TAFA4: variants seen among roughly 807,000 people sequenced by gnomAD.
TAFA4 encodes chemokine-like protein TAFA-4.
A neutral mutation model predicts 21.1 loss-of-function variants in TAFA4; 20 were observed. That is an observed-to-expected ratio of 0.95 (90% CI 0.67 to 1.38). The LOEUF is 1.38. TAFA4 is among the 40% of genes most tolerant of loss of function. The pLI, the probability that TAFA4 is intolerant of heterozygous loss-of-function variation, is 0.00. For synonymous variants in TAFA4, 71 were observed against 67.4 expected, an observed-to-expected ratio of 1.05 and a Z score of -0.26; for missense variants, 211 against 180.9, an observed-to-expected ratio of 1.17 and a Z score of -0.95.
chr3:68,750,898 TG>T (rs1209517347), intron 4 of TAFA4, among the ~76,000 whole-genome samples: 2 of 152,022 alleles, frequency 1.3e-5, no homozygotes, highest in East Asian at 3.9e-4. Context: ...GGCCAGCCAA[TG>T]GGGAAAGATG....
chr3:68,836,002 C>T (rs1037299991), intron 3 of TAFA4, among the ~76,000 whole-genome samples: 1 of 152,178 alleles, frequency 6.6e-6, no homozygotes, highest in African/African-American at 2.4e-5. Context: ...TGTATTTTCT[C>T]ATTATATGCA....
chr3:68,740,668 T>C (rs1702332647), intron 4 of TAFA4, among the ~76,000 whole-genome samples: 1 of 152,188 alleles, frequency 6.6e-6, no homozygotes, highest in Non-Finnish European at 1.5e-5. Flanking sequence ...GTAGTCCCAA[T>C]TGTTTATTTT....
intron 3 of TAFA4, among the ~76,000 whole-genome samples, chr3:68,844,365 C>A (rs546470589): frequency 1.3e-5 from 2 of 151,872 alleles, no homozygotes; most frequent in Non-Finnish European, 2.9e-5. Context: ...GTGGTGATAT[C>A]CCCTTTATCA....
chr3:68,742,964 CCAGA>C (rs1352284286), intron 4 of TAFA4, among the ~76,000 whole-genome samples: 1 of 152,158 alleles, frequency 6.6e-6, no homozygotes, highest in Non-Finnish European at 1.5e-5. Context: ...AAACAGTTCC[CCAGA>C]CAAACACTAT....
Position 68,894,925 on chromosome 3 carries a change from G to A in TAFA4, c.-122-9615C>T, listed in dbSNP as rs367663678. Among the ~76,000 whole-genome samples the A allele has an allele frequency of 1.4e-4, 22 of 152,212 alleles. 1 individual carries two copies. In the East Asian group the frequency reaches 2.9e-3, roughly 20 times the overall value. ...CCTGGAGTGCAATGGCGTGGTCTCCGCTCACTGCAACATCCACCTCCCAGG... is the reference window on the plus strand; with the variant it reads ...CCTGGAGTGCAATGGCGTGGTCTCCACTCACTGCAACATCCACCTCCCAGG... On this transcript the variant is annotated intron_variant, in intron 1 of 5. Coordinates refer to ENST00000295569, the MANE Select transcript of TAFA4 (RefSeq NM_182522.5).
chr3:68,869,642 G>A (rs1160248259), intron 3 of TAFA4, among the ~76,000 whole-genome samples: 6 of 151,896 alleles, frequency 4.0e-5, no homozygotes. Flanking sequence ...GTTTTAAAAG[G>A]ATTCAACACA....
chr3:68,804,562 G>C (rs1450690489), intron 3 of TAFA4, among the ~76,000 whole-genome samples: 1 of 152,138 alleles, frequency 6.6e-6, no homozygotes, highest in Non-Finnish European at 1.5e-5. Context: ...ATACTACAAG[G>C]CTATAGTAAC....
At chr3:68,893,702 G>T (rs1041453670) in intron 1 of TAFA4, among the ~76,000 whole-genome samples, 2 of 152,182 alleles carry the variant, frequency 1.3e-5, no homozygotes, top group Non-Finnish European at 2.9e-5. Flanking sequence ...GGATTACATG[G>T]CAAGACAAAG....
At position 68,733,062 on chromosome 3, in the gene TAFA4, A is replaced by AG; in HGVS notation, c.*79_*80insC. The stretch of plus-strand genomic sequence containing the variant: ...CTGAAATCCTAGACAATTTTCTGCA[A>AG]AGGGGCCATGATGGGAATCCAAGCA... On this transcript the variant is annotated 3_prime_UTR_variant, in exon 6 of 6. Coordinates refer to ENST00000295569, the MANE Select transcript of TAFA4 (RefSeq NM_182522.5). The AG allele has an allele frequency of 1.9e-6, 3 of 1,586,006 alleles. No individual in the cohort carries two copies. The highest frequency in any genetic ancestry group is 2.6e-6 in the Non-Finnish European group (3 of 1,162,234).
At chr3:68,764,691 G>T (rs761671214) in intron 3 of TAFA4, among the ~76,000 whole-genome samples, 8 of 152,126 alleles carry the variant, frequency 5.3e-5, no homozygotes, top group African/African-American at 1.9e-4. Flanking sequence ...TCCAGTTCCT[G>T]TTTGTCTGGC....
At chr3:68,856,112 C>T (rs952045543) in intron 3 of TAFA4, among the ~76,000 whole-genome samples, 10 of 152,004 alleles carry the variant, frequency 6.6e-5, no homozygotes, top group African/African-American at 1.4e-4. Flanking sequence ...ACCCAGACTC[C>T]GTGGTGTAAG....
chr3:68,862,019 C>T (rs2089351810), intron 3 of TAFA4, among the ~76,000 whole-genome samples: 1 of 152,000 alleles, frequency 6.6e-6, no homozygotes, highest in African/African-American at 2.4e-5. Flanking sequence ...AGCATATTTT[C>T]CTCTTCTCCC....
chr3:68,758,178 A>G (rs1423862379), intron 3 of TAFA4, among the ~76,000 whole-genome samples: 1 of 152,238 alleles, frequency 6.6e-6, no homozygotes. Flanking sequence ...GTCATGGGAC[A>G]TAGCTCAGTT....
At chr3:68,757,453 T>C (rs186257254) in intron 3 of TAFA4, among the ~76,000 whole-genome samples, 2 of 152,168 alleles carry the variant, frequency 1.3e-5, no homozygotes, top group Non-Finnish European at 2.9e-5. Flanking sequence ...CAAACCATCA[T>C]GCCTTGGTTA....
At chr3:68,900,732 T>C (rs1302772123) in intron 1 of TAFA4, among the ~76,000 whole-genome samples, 1 of 152,164 alleles carries the variant, frequency 6.6e-6, no homozygotes, top group African/African-American at 2.4e-5. Context: ...ACTCAACAAA[T>C]ACTTGCTGAA....
chr3:68,771,221 C>T (rs1180708079), intron 3 of TAFA4, among the ~76,000 whole-genome samples: 1 of 152,198 alleles, frequency 6.6e-6, no homozygotes, highest in East Asian at 1.9e-4. Flanking sequence ...TACACTAGGG[C>T]AAGAACCCCG....
chr3:68,909,880 C>A (rs534948711), intron 1 of TAFA4, among the ~76,000 whole-genome samples: 1 of 152,314 alleles, frequency 6.6e-6, no homozygotes, highest in Non-Finnish European at 1.5e-5. Context: ...AAGCTGCACT[C>A]AAGGCACTGG....
At chr3:68,743,392 G>A (rs1420882960) in intron 4 of TAFA4, among the ~76,000 whole-genome samples, 2 of 151,954 alleles carry the variant, frequency 1.3e-5, no homozygotes, top group Non-Finnish European at 2.9e-5. Context: ...CCTAGCCAAC[G>A]TGATGAAACC....
chr3:68,910,441 C>T (rs1228549682), intron 1 of TAFA4, among the ~76,000 whole-genome samples: 2 of 152,200 alleles, frequency 1.3e-5, no homozygotes, highest in Non-Finnish European at 2.9e-5. Context: ...AGAGTCAGGT[C>T]TGTCTCCTCA....
Sources: allele counts gnomAD v4.1 joint callset (sites outside exome capture counted in the v4.1 genomes callset), GRCh38; gene constraint gnomAD v4.1.1; transcripts MANE v1.5; gene names NCBI Gene and HGNC (gene_info 2026-07-23, HGNC 2026-07-21).